The following THADA variants were observed in gnomAD, a reference collection of about 807,000 sequenced individuals.
THADA encodes the protein THADA armadillo repeat containing, also known as tRNA (32-2'-O)-methyltransferase regulator THADA.
A neutral mutation model predicts 219.8 loss-of-function variants in THADA; 213 were observed. The ratio of observed to expected loss-of-function variants is 0.97; its 90% confidence interval spans 0.87 to 1.09. The LOEUF (loss-of-function observed/expected upper bound fraction) is 1.09. Ranked by LOEUF, THADA falls within the 50% of genes least tolerant of loss-of-function variation. The pLI is 0.00. For synonymous variants in THADA, 1,018 were observed against 828.9 expected, an observed-to-expected ratio of 1.23 and a Z score of -3.92; for missense variants, 2,956 against 2,311.3, an observed-to-expected ratio of 1.28 and a Z score of -5.72.
At chr2:43,462,151 A>G (rs980583623) in intron 26 of THADA, among the ~76,000 whole-genome samples, 9 of 152,192 alleles carry the variant, frequency 5.9e-5, no homozygotes, top group Non-Finnish European at 1.5e-5. Flanking sequence ...AAGGAACCAA[A>G]TAACATTTTA....
chr2:43,589,686 G>T (rs944432214), intron 4 of THADA, among the ~76,000 whole-genome samples: 14 of 152,198 alleles, frequency 9.2e-5, no homozygotes, highest in African/African-American at 3.4e-4. Context: ...TCAGGGGAAA[G>T]GGTGGGAAGG....
chr2:43,292,100 A>T lies in THADA; in HGVS notation c.4937+4T>A. 1 of 1,592,666 alleles carries T rather than the reference A, an allele frequency of 6.3e-7. No individual in the cohort carries two copies. Reference sequence around the variant, plus strand: ...AGGTTGCACAGGAGGTTTTGGGGGCAAACCTTTCATTGGAAGCAATATCCA... The same window carrying T: ...AGGTTGCACAGGAGGTTTTGGGGGCTAACCTTTCATTGGAAGCAATATCCA... On this transcript the variant is annotated splice_donor_region_variant and intron_variant, in intron 33 of 37. Transcript: ENST00000405975.
chr2:43,366,217 G>A (rs1670134519), intron 29 of THADA, among the ~76,000 whole-genome samples: 2 of 152,148 alleles, frequency 1.3e-5, no homozygotes, highest in African/African-American at 4.8e-5. Context: ...CAAGTTAAAT[G>A]GGTTCTATGC....
At chr2:43,332,132 C>T (rs1364813963) in intron 30 of THADA, among the ~76,000 whole-genome samples, 1 of 152,182 alleles carries the variant, frequency 6.6e-6, no homozygotes, top group Non-Finnish European at 1.5e-5. Context: ...GTCACCCAGG[C>T]CGGAGTGCAG....
intron 20 of THADA, 56 bp from the exon 21 acceptor site, chr2:43,541,372 C>A: frequency 6.3e-7 from 1 of 1,591,980 alleles, no homozygotes; most frequent in South Asian, 1.1e-5. Flanking sequence ...TCCCAGGTTT[C>A]TAAAAACAAG....
rs373745804 is a variant in THADA, at chr2:43,274,993, C to A, written c.5296+4772G>T. Among the ~76,000 whole-genome samples, 5 of 121,650 alleles carry A rather than the reference C, an allele frequency of 4.1e-5. No homozygotes were observed. In the South Asian group the frequency reaches 1.6e-3, roughly 40 times the overall value. The allele number at this position is 121,650 out of a possible 152,430, so 79.8% of individuals were successfully genotyped here. On this transcript the variant is annotated intron_variant, in intron 36 of 37. Transcript: ENST00000405975. ...AAACTGTTTTCCTTTCTTTTCTTTT[C>A]TTTTCTTTTTTTTTTTTTTTTGAGG... is the stretch of plus-strand genomic sequence containing the variant.
At chr2:43,526,201 T>C (rs1009883123) in intron 22 of THADA, among the ~76,000 whole-genome samples, 6 of 152,224 alleles carry the variant, frequency 3.9e-5, no homozygotes, top group Non-Finnish European at 8.8e-5. Context: ...TGCCAATAAA[T>C]GGAATGAATA....
chr2:43,552,066 C>CA, intron 18 of THADA, 138 bp downstream of exon 18: 2 of 1,505,344 alleles, frequency 1.3e-6, no homozygotes, highest in South Asian at 2.6e-5. Flanking sequence ...TACACAGATA[C>CA]GTATGTTTTT....
chr2:43,231,620 A>T (rs1488189360), intron 37 of THADA, among the ~76,000 whole-genome samples: 2 of 152,156 alleles, frequency 1.3e-5, no homozygotes, highest in Non-Finnish European at 2.9e-5. Flanking sequence ...CAAAGTCAAG[A>T]TACTTTGGGG....
intron 28 of THADA, among the ~76,000 whole-genome samples, chr2:43,417,356 T>C (rs962957114): frequency 2.6e-5 from 4 of 152,176 alleles, no homozygotes; most frequent in African/African-American, 9.7e-5. Context: ...ATTCTCTCTT[T>C]ACTAAGACAC....
chr2:43,546,429 A>C (rs1403418346), intron 20 of THADA, among the ~76,000 whole-genome samples: 3 of 152,032 alleles, frequency 2.0e-5, no homozygotes, highest in Admixed American at 2.0e-4. Flanking sequence ...TATCCTTGTT[A>C]ACTTTCTGTC....
intron 29 of THADA, among the ~76,000 whole-genome samples, chr2:43,386,406 AAATAGAC>A (rs892883322): frequency 1.3e-5 from 2 of 151,982 alleles, no homozygotes; most frequent in African/African-American, 2.4e-5. Flanking sequence ...TTTTTTCCCC[AAATAGAC>A]AAAGAAAAAC....
intron 22 of THADA, among the ~76,000 whole-genome samples, chr2:43,520,713 T>TATATACACACACACACAC (rs1218079783): frequency 4.0e-5 from 5 of 125,050 alleles, no homozygotes; most frequent in African/African-American, 1.2e-4. Context: ...TATATATATA[T>TATATACACACACACACAC]ACACACACAC....
intron 36 of THADA, among the ~76,000 whole-genome samples, chr2:43,276,444 T>G (rs1441824399): frequency 6.6e-6 from 1 of 152,188 alleles, no homozygotes; most frequent in African/African-American, 2.4e-5. Flanking sequence ...CATTATTTTC[T>G]CCAGGCCTTC....
At chr2:43,393,277 T>A (rs1673618508) in intron 29 of THADA, among the ~76,000 whole-genome samples, 1 of 152,186 alleles carries the variant, frequency 6.6e-6, no homozygotes, top group Non-Finnish European at 1.5e-5. Context: ...CCCAATTAGA[T>A]TTAAGGAGAG....
At chr2:43,343,935 A>G (rs1217253671) in intron 30 of THADA, 187 bp downstream of exon 30, 3 of 492,936 alleles carry the variant, frequency 6.1e-6, no homozygotes, top group Non-Finnish European at 1.1e-5. Flanking sequence ...TAGCAGTTTT[A>G]GAAAAATTGT....
intron 1 of THADA, among the ~76,000 whole-genome samples, chr2:43,594,742 T>C (rs1701958110): frequency 6.6e-6 from 1 of 152,204 alleles, no homozygotes; most frequent in Admixed American, 6.5e-5. Flanking sequence ...TATTCCCACC[T>C]AAGAGGCTTT....
intron 29 of THADA, 73 bp from the exon 30 acceptor site, chr2:43,344,310 A>G: frequency 9.3e-7 from 1 of 1,080,058 alleles, no homozygotes; most frequent in Non-Finnish European, 1.3e-6. Flanking sequence ...CTCCCTTTTA[A>G]GTTTCCTTAA....
At chr2:43,270,236 T>C (rs1255036415) in intron 36 of THADA, among the ~76,000 whole-genome samples, 1 of 152,194 alleles carries the variant, frequency 6.6e-6, no homozygotes, top group Middle Eastern at 3.2e-3. Flanking sequence ...TTACCTTTCT[T>C]GGGCTTCAGT....
Sources: allele counts gnomAD v4.1 joint callset (sites outside exome capture counted in the v4.1 genomes callset), GRCh38; gene constraint gnomAD v4.1.1; transcripts MANE v1.5; gene names NCBI Gene and HGNC (gene_info 2026-07-23, HGNC 2026-07-21).